The following LRRTM3 variants were observed in gnomAD, a reference collection of about 807,000 sequenced individuals.
The protein encoded by LRRTM3 is leucine-rich repeat transmembrane neuronal protein 3.
LRRTM3 carries 24 observed loss-of-function variants against 44.7 expected under a neutral mutation model. The ratio of observed to expected loss-of-function variants is 0.54; its 90% CI spans 0.39 to 0.76. LRRTM3 has a LOEUF of 0.76. Ranked by LOEUF, LRRTM3 falls within the 30% of genes least tolerant of loss-of-function variation. LRRTM3 has a pLI of 0.00. For synonymous variants in LRRTM3, 277 were observed against 278.7 expected (o/e 0.99, Z 0.06); for missense variants, 587 against 702.2 (o/e 0.84, Z 1.85).
chr10:67,050,729 T>A (rs949950340), intron 2 of LRRTM3, among the ~76,000 whole-genome samples: 1 of 152,208 alleles, frequency 6.6e-6, no homozygotes, highest in African/African-American at 2.4e-5. Flanking sequence ...AAAGCAGAAA[T>A]GACCACTCGC....
intron 2 of LRRTM3, among the ~76,000 whole-genome samples, chr10:67,073,764 G>T (rs1856589918): frequency 6.6e-6 from 1 of 151,842 alleles, no homozygotes; most frequent in Non-Finnish European, 1.5e-5. Flanking sequence ...TGAAATGAAA[G>T]CTTCCAAAAT....
intron 2 of LRRTM3, among the ~76,000 whole-genome samples, chr10:66,965,569 T>G (rs1317318285): frequency 1.7e-4 from 18 of 102,950 alleles, no homozygotes; most frequent in African/African-American, 6.1e-4. Flanking sequence ...AAAGCTGTTT[T>G]TTTTTTTTTT....
chr10:67,005,923 T>G (rs970887517), intron 2 of LRRTM3, among the ~76,000 whole-genome samples: 1 of 151,836 alleles, frequency 6.6e-6, no homozygotes, highest in Admixed American at 6.6e-5. Context: ...TGTTCTCAGG[T>G]GACCTGCCTG....
At chr10:66,956,520 T>A (rs1848800194) in intron 2 of LRRTM3, among the ~76,000 whole-genome samples, 1 of 152,096 alleles carries the variant, frequency 6.6e-6, no homozygotes, top group South Asian at 2.1e-4. Flanking sequence ...TTTCTACTCC[T>A]TAGCAAGGAG....
At chr10:66,952,149 C>T (rs1454906740) in intron 2 of LRRTM3, among the ~76,000 whole-genome samples, 1 of 152,208 alleles carries the variant, frequency 6.6e-6, no homozygotes, top group Non-Finnish European at 1.5e-5. Context: ...ATCACGTCAA[C>T]CACCACTGGA....
chr10:67,063,386 GC>G (rs942329976), intron 2 of LRRTM3, among the ~76,000 whole-genome samples: 4 of 152,152 alleles, frequency 2.6e-5, no homozygotes, highest in African/African-American at 9.7e-5. Flanking sequence ...AAAAATATAT[GC>G]CTTTAAAAAG....
At chr10:67,000,454 T>TC (rs1447258945) in intron 2 of LRRTM3, among the ~76,000 whole-genome samples, 1 of 152,182 alleles carries the variant, frequency 6.6e-6, no homozygotes, top group African/African-American at 2.4e-5. Flanking sequence ...ACCTAGTTAG[T>TC]TCTATGAGAG....
intron 2 of LRRTM3, among the ~76,000 whole-genome samples, chr10:67,054,029 T>C (rs940851777): frequency 6.6e-6 from 1 of 152,122 alleles, no homozygotes; most frequent in Non-Finnish European, 1.5e-5. Context: ...CACTGACCAG[T>C]TTCCTTAATT....
chr10:66,972,599 T>C (rs1347640422), intron 2 of LRRTM3, among the ~76,000 whole-genome samples: 1 of 151,982 alleles, frequency 6.6e-6, no homozygotes, highest in East Asian at 1.9e-4. Flanking sequence ...TTGATAAAAA[T>C]TTATTTCATA....
intron 2 of LRRTM3, among the ~76,000 whole-genome samples, chr10:66,970,215 A>C (rs1018959037): frequency 1.3e-5 from 2 of 152,148 alleles, no homozygotes; most frequent in Non-Finnish European, 2.9e-5. Flanking sequence ...TGTGGTAAGA[A>C]GGTATTAGAT....
chr10:67,001,118 TGATG>T (rs1851659670), intron 2 of LRRTM3, among the ~76,000 whole-genome samples: 1 of 151,368 alleles, frequency 6.6e-6, no homozygotes, highest in African/African-American at 2.4e-5. Context: ...CTGGCCAACA[TGATG>T]AAACCCTGTC....
chr10:67,038,487 A>G (rs1854202006), intron 2 of LRRTM3, among the ~76,000 whole-genome samples: 1 of 152,130 alleles, frequency 6.6e-6, no homozygotes, highest in African/African-American at 2.4e-5. Flanking sequence ...GCTCAGGAAA[A>G]GGACAACTCA....
intron 2 of LRRTM3, among the ~76,000 whole-genome samples, chr10:67,000,740 C>T (rs925885733): frequency 6.6e-6 from 1 of 152,050 alleles, no homozygotes; most frequent in Admixed American, 6.6e-5. Flanking sequence ...ACAAGTCCTC[C>T]CTCACCCCAC....
chr10:67,004,415 T>C (rs569394783), intron 2 of LRRTM3, among the ~76,000 whole-genome samples: 2 of 152,356 alleles, frequency 1.3e-5, no homozygotes, highest in African/African-American at 4.8e-5. Context: ...CCTGTTAAAA[T>C]GATGACACAT....
rs1857408325 is a variant in LRRTM3 at position 67,088,041 on chromosome 10, G to A, written c.1537-9546G>A. 2.6e-5 allele frequency among the ~76,000 whole-genome samples: 4 copies of A among 151,922 alleles called. No individual in the cohort carries two copies. In the East Asian group the frequency reaches 7.7e-4, roughly 29 times the overall value. On this transcript the variant is annotated intron_variant, in intron 2 of 2. Coordinates refer to ENST00000361320, the MANE Select transcript of LRRTM3 (RefSeq NM_178011.5). ...AAAAACAGACATATAATAATATCAT[G>A]TGGAAATACCATGATAATTTAAAGA...
intron 2 of LRRTM3, among the ~76,000 whole-genome samples, chr10:66,936,740 T>G (rs1271358002): frequency 6.6e-6 from 1 of 152,110 alleles, no homozygotes; most frequent in Non-Finnish European, 1.5e-5. Context: ...GGAAGTAGTA[T>G]CCATATTGAA....
At chr10:66,970,124 G>A (rs1849637395) in intron 2 of LRRTM3, among the ~76,000 whole-genome samples, 1 of 152,070 alleles carries the variant, frequency 6.6e-6, no homozygotes, top group African/African-American at 2.4e-5. Flanking sequence ...CTCATGGACA[G>A]CCACATCTTT....
At chr10:66,966,564 T>A (rs1849424254) in intron 2 of LRRTM3, among the ~76,000 whole-genome samples, 1 of 152,116 alleles carries the variant, frequency 6.6e-6, no homozygotes, top group East Asian at 1.9e-4. Flanking sequence ...AGAAGCTTTT[T>A]AACATAGCCA....
intron 2 of LRRTM3, among the ~76,000 whole-genome samples, chr10:67,074,034 CTTTT>C (rs35411851): frequency 9.1e-6 from 1 of 109,434 alleles, no homozygotes; most frequent in South Asian, 3.5e-4. Flanking sequence ...CATTTTAACT[CTTTT>C]TTTTTTTTTT....
Sources: gnomAD v4.1 joint callset for allele counts (sites outside exome capture counted in the v4.1 genomes callset) on GRCh38, gnomAD v4.1.1 for gene constraint, MANE v1.5 for transcripts, NCBI Gene and HGNC (gene_info 2026-07-23, HGNC 2026-07-21) for gene names.